Variants in GALNTL5 observed in about 807,000 individuals in gnomAD.
The protein encoded by GALNTL5 is polypeptide N-acetylgalactosaminyltransferase like 5, also known as inactive polypeptide N-acetylgalactosaminyltransferase-like protein 5.
Under a neutral mutation model 51.0 loss-of-function variants are expected in GALNTL5, and 44 were observed. The ratio of observed to expected loss-of-function variants is 0.86; its 90% CI spans 0.68 to 1.11. GALNTL5 has a LOEUF of 1.11. Ranked by LOEUF, GALNTL5 falls within the 50% of genes least tolerant of loss-of-function variation. The pLI is 0.00. For synonymous variants in GALNTL5, 192 were observed against 182.8 expected, an observed-to-expected ratio of 1.05 and a Z score of -0.41; for missense variants, 528 against 531.8, an observed-to-expected ratio of 0.99 and a Z score of 0.07.
At chr7:151,984,207 G>A (rs988073732) in intron 4 of GALNTL5, 2 of 152,198 alleles carry the variant, frequency 1.3e-5, no homozygotes, top group African/African-American at 2.4e-5. Context: ...AGTTAAGTGT[G>A]TATTCTTTCA....
chr7:151,959,958 C>A (rs1315484579), intron 1 of GALNTL5, among the ~76,000 whole-genome samples: 2 of 152,104 alleles, frequency 1.3e-5, no homozygotes, highest in South Asian at 4.1e-4. Context: ...CGTGTCAGAG[C>A]CTTCCTCCTT....
intron 1 of GALNTL5, among the ~76,000 whole-genome samples, chr7:151,964,153 T>C (rs1250967312): frequency 6.6e-6 from 1 of 152,194 alleles, no homozygotes; most frequent in South Asian, 2.1e-4. Flanking sequence ...TGCAAGCACC[T>C]GCCTGGGGAC....
intron 6 of GALNTL5, among the ~76,000 whole-genome samples, chr7:152,005,203 G>GC (rs1331156204): frequency 1.4e-5 from 2 of 139,598 alleles, no homozygotes. Context: ...AAAGCTAGGT[G>GC]CAATGAGTTT....
rs895203157 is a variant in GALNTL5, at chr7:152,014,794, G to A, written c.1176+1G>A. ...GCACGTTTGGCTGGATGAATATAAG[G>A]TGGGGAACACATCCTTGACTTGGAA... On this transcript the variant is annotated splice_donor_variant, in intron 8 of 8. Transcript: ENST00000392800. LOFTEE classifies it high-confidence loss of function. The A allele has an allele frequency of 6.2e-7, 1 of 1,603,784 alleles. No homozygotes were observed. The highest frequency in any genetic ancestry group is 8.5e-7 in the Non-Finnish European group (1 of 1,176,128).
intron 5 of GALNTL5, among the ~76,000 whole-genome samples, chr7:152,001,211 CA>C (rs1252135102): frequency 3.5e-5 from 4 of 114,318 alleles, no homozygotes; most frequent in African/African-American, 1.5e-4. Flanking sequence ...CCGCACCAGC[CA>C]TTTTTTTTTT....
rs533834990 is a variant in GALNTL5, at chr7:152,000,233, G to A, written c.659-2481G>A. ...GCAGTGTTGGAGAGAGAGCTATAGG[G>A]ATCATCTTAGATGGTGTCCGGTAGG... On this transcript the variant is annotated intron_variant, in intron 5 of 8. Transcript: ENST00000392800. Among the ~76,000 whole-genome samples the A allele has an allele frequency of 5.3e-5, 8 of 152,334 alleles. 1 individual carries two copies. The South Asian group carries it at 1.7e-3, about 32-fold the overall frequency.
At chr7:151,961,703 T>C (rs1409018889) in intron 1 of GALNTL5, among the ~76,000 whole-genome samples, 1 of 152,172 alleles carries the variant, frequency 6.6e-6, no homozygotes, top group Non-Finnish European at 1.5e-5. Context: ...GGATTACCTT[T>C]TCCAGGTGCA....
intron 3 of GALNTL5, among the ~76,000 whole-genome samples, chr7:151,980,134 AG>A (rs2081260560): frequency 6.6e-6 from 1 of 152,120 alleles, no homozygotes; most frequent in South Asian, 2.1e-4. Context: ...CCCAGGCTGG[AG>A]TGCAGTGGCG....
rs937756096 is a variant in GALNTL5, at chr7:151,973,427, T to G, written c.368+2362T>G. 5.9e-5 allele frequency among the ~76,000 whole-genome samples: 9 copies of G among 151,612 alleles called. 1 individual carries two copies. The highest frequency in any genetic ancestry group is 8.8e-5 in the Non-Finnish European group (6 of 67,932). On this transcript the variant is annotated intron_variant, in intron 3 of 8. Transcript: ENST00000392800. Reference sequence around the variant, plus strand: ...TTGCAGTAAGCCAAGTTCACACCACTGCACTCCAGCCTGGGTGACAGAGCA... The same window carrying G: ...TTGCAGTAAGCCAAGTTCACACCACGGCACTCCAGCCTGGGTGACAGAGCA...
chr7:151,982,673 A>G (rs1433914558), intron 3 of GALNTL5, among the ~76,000 whole-genome samples: 1 of 152,164 alleles, frequency 6.6e-6, no homozygotes, highest in Non-Finnish European at 1.5e-5. Flanking sequence ...TTTTTATAAC[A>G]GAAGCTAATA....
In GALNTL5 at chr7:152,019,827, T is replaced by C; in HGVS notation, c.*26T>C. On this transcript the variant is annotated 3_prime_UTR_variant, in exon 9 of 9. Transcript: ENST00000392800. Reference sequence around the variant, plus strand: ...AAGGAAAACAAATCACTTTCATTAATAAAGGGTTAAAAGTCTCCTAGTCAT... The same window carrying C: ...AAGGAAAACAAATCACTTTCATTAACAAAGGGTTAAAAGTCTCCTAGTCAT... 6.3e-7 allele frequency: 1 copy of C among 1,591,618 alleles called. No homozygotes were observed. Among genetic ancestry groups the C allele is most frequent in the Non-Finnish European group, 8.6e-7 (1 of 1,164,108 alleles).
chr7:152,005,831 A>G (rs181236172), intron 6 of GALNTL5, among the ~76,000 whole-genome samples: 37 of 152,322 alleles, frequency 2.4e-4, no homozygotes, highest in African/African-American at 8.9e-4. Flanking sequence ...CTATAACATG[A>G]TATGACATTT....
chr7:151,999,006 T>C (rs2081537335), intron 5 of GALNTL5, among the ~76,000 whole-genome samples: 2 of 152,206 alleles, frequency 1.3e-5, no homozygotes, highest in African/African-American at 2.4e-5. Context: ...CTCCAAAACA[T>C]TTTCATTACC....
At chr7:151,995,347 A>ATTT (rs1563017632) in intron 5 of GALNTL5, 3 of 90,980 alleles carry the variant, frequency 3.3e-5, no homozygotes, top group African/African-American at 4.0e-5. Context: ...AGTTGGTATG[A>ATTT]ATTTTTTTTT....
chr7:151,962,620 T>TTG (rs1562999907), intron 1 of GALNTL5, among the ~76,000 whole-genome samples: 10 of 150,854 alleles, frequency 6.6e-5, no homozygotes, highest in South Asian at 2.1e-4. Context: ...TTTGTTTGTT[T>TTG]GTTTAATAGA....
chr7:151,981,387 G>A (rs1479935621), intron 3 of GALNTL5, among the ~76,000 whole-genome samples: 10 of 152,070 alleles, frequency 6.6e-5, no homozygotes, highest in African/African-American at 1.9e-4. Flanking sequence ...GGTTGATATC[G>A]CTATTATTAT....
At chr7:151,971,136 TAGAA>T (rs752153937) in intron 3 of GALNTL5, 71 bp downstream of exon 3, 34,374 of 803,160 alleles carry the variant, frequency 0.043, 2,565 homozygotes, top group African/African-American at 0.084. Flanking sequence ...GATAGATAGA[TAGAA>T]AGAAAACAGT....
rs187360102 is a variant in GALNTL5, at chr7:151,970,259, A to G, written c.248-686A>G. On this transcript the variant is annotated intron_variant, in intron 2 of 8. Coordinates refer to ENST00000392800, the MANE Select transcript of GALNTL5 (RefSeq NM_145292.4). ...TCTGCTTCTTTATCTCCCTATTTCC[A>G]TGTAGCCTGCTTAAACCTATACTAA... is the stretch of plus-strand genomic sequence containing the variant. 4.8e-3 allele frequency among the ~76,000 whole-genome samples: 733 copies of G among 152,108 alleles called. 9 individuals carry two copies. The highest frequency in any genetic ancestry group is 0.016 in the African/African-American group (651 of 41,468).
chr7:151,985,229 C>T (rs188083635), intron 4 of GALNTL5, among the ~76,000 whole-genome samples: 1 of 152,126 alleles, frequency 6.6e-6, no homozygotes, highest in Admixed American at 6.5e-5. Flanking sequence ...ACAAACATAC[C>T]GGCCGTAAGA....
Sources: gnomAD v4.1 joint callset for allele counts (sites outside exome capture counted in the v4.1 genomes callset) on GRCh38, gnomAD v4.1.1 for gene constraint, MANE v1.5 for transcripts, NCBI Gene and HGNC (gene_info 2026-07-23, HGNC 2026-07-21) for gene names.